The following ATXN1 variants were observed in gnomAD, a reference collection of about 807,000 sequenced individuals.
The protein encoded by ATXN1 is ataxin-1.
Under a neutral mutation model 56.4 loss-of-function variants are expected in ATXN1, and 8 were observed. The ratio of observed to expected loss-of-function variants is 0.14; its 90% CI spans 0.08 to 0.26. ATXN1 has a LOEUF of 0.26. ATXN1 is among the 10% of genes least tolerant of loss of function. ATXN1 has a pLI of 1.00. For missense variants in ATXN1, 987 were observed against 1,106.5 expected (o/e 0.89, Z 1.53); for synonymous variants, 514 against 494.6 (o/e 1.04, Z -0.52).
chr6:16,643,949 A>T (rs1344948019), intron 3 of ATXN1, among the ~76,000 whole-genome samples: 1 of 152,208 alleles, frequency 6.6e-6, no homozygotes, highest in Non-Finnish European at 1.5e-5. Flanking sequence ...ACTTTGGAAA[A>T]GAACAGTATA....
intron 5 of ATXN1, among the ~76,000 whole-genome samples, chr6:16,521,540 A>G (rs374588264): frequency 6.8e-4 from 104 of 152,394 alleles, no homozygotes; most frequent in Middle Eastern, 3.4e-3. Flanking sequence ...CCTGGGCGAC[A>G]GAGGGAGATC....
At chr6:16,648,697 C>T (rs919868699) in intron 3 of ATXN1, among the ~76,000 whole-genome samples, 3 of 152,200 alleles carry the variant, frequency 2.0e-5, no homozygotes, top group Admixed American at 6.5e-5. Flanking sequence ...GATCAACTTA[C>T]ATGAAATGCT....
chr6:16,723,860 GAA>G (rs1002990588), intron 2 of ATXN1, among the ~76,000 whole-genome samples: 1 of 152,076 alleles, frequency 6.6e-6, no homozygotes, highest in Non-Finnish European at 1.5e-5. Context: ...TCCACAGTAT[GAA>G]AAGTTTCTGG....
intron 6 of ATXN1, among the ~76,000 whole-genome samples, chr6:16,382,587 AT>A (rs1055827649): frequency 1.3e-5 from 2 of 152,134 alleles, no homozygotes; most frequent in African/African-American, 2.4e-5. Context: ...TATTTAAACT[AT>A]TTTTTTAAAT....
At chr6:16,588,873 T>C (rs992244546) in intron 3 of ATXN1, among the ~76,000 whole-genome samples, 3 of 152,140 alleles carry the variant, frequency 2.0e-5, no homozygotes, top group African/African-American at 7.2e-5. Flanking sequence ...TTGATTGGAT[T>C]CATCTGTAAA....
chr6:16,385,577 G>GTCT, intron 6 of ATXN1, among the ~76,000 whole-genome samples: 1 of 152,226 alleles, frequency 6.6e-6, no homozygotes, highest in East Asian at 1.9e-4. Context: ...AGAAATCATG[G>GTCT]TCTAGCTCCT....
chr6:16,546,900 T>C (rs1345776101), intron 4 of ATXN1, among the ~76,000 whole-genome samples: 1 of 152,206 alleles, frequency 6.6e-6, no homozygotes, highest in East Asian at 1.9e-4. Flanking sequence ...AACCAACTAT[T>C]TCAACATGCT....
At chr6:16,685,301 C>T (rs1407480314) in intron 2 of ATXN1, among the ~76,000 whole-genome samples, 1 of 152,166 alleles carries the variant, frequency 6.6e-6, no homozygotes, top group Non-Finnish European at 1.5e-5. Flanking sequence ...TGCCCAATGA[C>T]ACTGACATCC....
At chr6:16,519,965 G>C (rs1299916040) in intron 5 of ATXN1, among the ~76,000 whole-genome samples, 2 of 152,132 alleles carry the variant, frequency 1.3e-5, no homozygotes, top group Non-Finnish European at 2.9e-5. Flanking sequence ...AATAAAAGAG[G>C]GTATCAGGGC....
intron 7 of ATXN1, among the ~76,000 whole-genome samples, chr6:16,312,602 G>A (rs1056504059): frequency 2.6e-5 from 4 of 152,184 alleles, no homozygotes; most frequent in African/African-American, 4.8e-5. Flanking sequence ...TGTAATCCCA[G>A]CACTTTGGGA....
intron 6 of ATXN1, among the ~76,000 whole-genome samples, chr6:16,440,607 C>T (rs1193063411): frequency 1.6e-5 from 2 of 125,240 alleles, no homozygotes; most frequent in African/African-American, 3.2e-5. Context: ...CACCACTGCA[C>T]TCCAACCTGG....
chr6:16,478,539 G>A lies in ATXN1; in HGVS notation c.-161+7433C>T, dbSNP rs114215580. On this transcript the variant is annotated intron_variant, in intron 6 of 7. Coordinates refer to ENST00000436367, the MANE Select transcript of ATXN1 (RefSeq NM_001128164.2). ...TACCTTCTTTTAGAGATCAAAGAAG[G>A]AAAAGGCAAAGGAAACCGGAAAACT... Among the ~76,000 whole-genome samples the A allele has an allele frequency of 6.4e-3, 978 of 152,306 alleles. 2 individuals carry two copies. Among genetic ancestry groups the A allele is most frequent in the Middle Eastern group, 0.014 (4 of 294 alleles).
chr6:16,526,535 C>T (rs1183798164), intron 4 of ATXN1, among the ~76,000 whole-genome samples: 10 of 152,144 alleles, frequency 6.6e-5, no homozygotes, highest in South Asian at 6.2e-4. Context: ...GAGGCCAAGG[C>T]GGGTGGATTA....
chr6:16,624,584 T>C (rs546816596), intron 3 of ATXN1, among the ~76,000 whole-genome samples: 14 of 152,336 alleles, frequency 9.2e-5, no homozygotes, highest in Admixed American at 4.6e-4. Context: ...TATTCCTTCA[T>C]AATCATATAC....
At chr6:16,503,116 A>G (rs1038499089) in intron 5 of ATXN1, among the ~76,000 whole-genome samples, 7 of 152,250 alleles carry the variant, frequency 4.6e-5, no homozygotes, top group African/African-American at 1.7e-4. Flanking sequence ...AATCTTATAT[A>G]GAAATCTAAT....
intron 2 of ATXN1, among the ~76,000 whole-genome samples, chr6:16,683,300 A>AC (rs1310523673): frequency 6.6e-6 from 1 of 152,226 alleles, no homozygotes; most frequent in Non-Finnish European, 1.5e-5. Flanking sequence ...GGGCCAGCAC[A>AC]CAGCTGCTTT....
chr6:16,687,646 CAAA>C lies in ATXN1; in HGVS notation c.-614-29748_-614-29746del, dbSNP rs144307438. The stretch of plus-strand genomic sequence containing the variant: ...CATTTTCGTATAAGCAGCCTGGAAT[CAAA>C]GAAGAAATACACACACACACACACA... On this transcript the variant is annotated intron_variant, in intron 2 of 7. Transcript: ENST00000436367. Among the ~76,000 whole-genome samples, 336 of 97,140 alleles carry C rather than the reference CAAA, an allele frequency of 3.5e-3. 1 individual carries two copies. The highest frequency in any genetic ancestry group is 0.015 in the African/African-American group (309 of 21,222). The allele number at this position is 97,140 out of a possible 152,430, so 63.7% of individuals were successfully genotyped here. A position where few individuals can be genotyped will look rare whatever the true frequency, so the allele number is the denominator to read the frequency against.
At chr6:16,346,041 G>A (rs1283588398) in intron 6 of ATXN1, among the ~76,000 whole-genome samples, 4 of 152,114 alleles carry the variant, frequency 2.6e-5, no homozygotes, top group Non-Finnish European at 5.9e-5. Flanking sequence ...GGAAGTGTGA[G>A]GGCGGTTCTA....
intron 6 of ATXN1, among the ~76,000 whole-genome samples, chr6:16,383,837 G>A (rs1758184499): frequency 1.3e-5 from 2 of 152,222 alleles, no homozygotes; most frequent in African/African-American, 4.8e-5. Flanking sequence ...GGTCATGAAT[G>A]TAGTGCCAGC....
Sources: gnomAD v4.1 joint callset for allele counts (sites outside exome capture counted in the v4.1 genomes callset) on GRCh38, gnomAD v4.1.1 for gene constraint, MANE v1.5 for transcripts, NCBI Gene and HGNC (gene_info 2026-07-23, HGNC 2026-07-21) for gene names.